The following TRIM44 variants were observed in gnomAD, a reference collection of about 807,000 sequenced individuals.
TRIM44 encodes the protein tripartite motif containing 44.
TRIM44 carries 13 observed loss-of-function variants against 37.4 expected under a neutral mutation model. That is an observed-to-expected ratio of 0.35 (90% CI 0.23 to 0.55). TRIM44 has a LOEUF of 0.55. TRIM44 is among the 20% of genes least tolerant of loss of function. The probability of loss-of-function intolerance (pLI) is 0.89; values close to 1 mark genes in which losing one functional copy is unlikely to be tolerated. For synonymous variants in TRIM44, 175 were observed against 157.2 expected, an observed-to-expected ratio of 1.11 and a Z score of -0.85; for missense variants, 426 against 437.2, an observed-to-expected ratio of 0.97 and a Z score of 0.23.
intron 4 of TRIM44, among the ~76,000 whole-genome samples, chr11:35,763,044 A>G (rs1287630273): frequency 2.6e-5 from 4 of 152,168 alleles, no homozygotes; most frequent in Non-Finnish European, 2.9e-5. Flanking sequence ...AATAACGACA[A>G]ATGTTTGTTT....
chr11:35,665,912 G>T (rs657292), intron 1 of TRIM44, among the ~76,000 whole-genome samples: 111,887 of 151,000 alleles, frequency 0.74, 42,398 homozygotes, highest in African/African-American at 0.92. Flanking sequence ...GATTTTTTTT[G>T]TTGTTCTTTC....
intron 2 of TRIM44, among the ~76,000 whole-genome samples, chr11:35,712,705 T>C (rs1851989784): frequency 6.6e-6 from 1 of 152,142 alleles, no homozygotes; most frequent in Non-Finnish European, 1.5e-5. Context: ...TGCCAAAAGC[T>C]TGAAGGGCTG....
chr11:35,799,381 G>A (rs1276530310), intron 4 of TRIM44, among the ~76,000 whole-genome samples: 1 of 152,210 alleles, frequency 6.6e-6, no homozygotes, highest in African/African-American at 2.4e-5. Context: ...AATAGGTCTG[G>A]AGAGACAGAG....
intron 3 of TRIM44, among the ~76,000 whole-genome samples, chr11:35,729,783 A>G (rs1852230499): frequency 6.6e-6 from 1 of 152,222 alleles, no homozygotes; most frequent in African/African-American, 2.4e-5. Context: ...CTGCTAAAAT[A>G]GAAGATTTAA....
chr11:35,727,226 A>G (rs1161021637), intron 3 of TRIM44, among the ~76,000 whole-genome samples: 1 of 152,156 alleles, frequency 6.6e-6, no homozygotes, highest in Non-Finnish European at 1.5e-5. Flanking sequence ...ATCAGATTTC[A>G]TAATTTGACA....
At chr11:35,707,427 T>C (rs534740980) in intron 2 of TRIM44, among the ~76,000 whole-genome samples, 2 of 152,224 alleles carry the variant, frequency 1.3e-5, no homozygotes, top group South Asian at 4.1e-4. Context: ...AAAGTTCATA[T>C]GGAACCAAAA....
chr11:35,797,972 CCATGA>C (rs1853314504), intron 4 of TRIM44, among the ~76,000 whole-genome samples: 1 of 152,110 alleles, frequency 6.6e-6, no homozygotes, highest in East Asian at 1.9e-4. Context: ...AAGGACACAC[CCATGA>C]CACAGCCTCA....
At chr11:35,785,783 C>T (rs116767867) in intron 4 of TRIM44, among the ~76,000 whole-genome samples, 38 of 152,308 alleles carry the variant, frequency 2.5e-4, no homozygotes, top group African/African-American at 9.1e-4. Flanking sequence ...ATCAATTCAT[C>T]CTACACATGT....
In TRIM44 at chr11:35,726,076, A is replaced by G; in HGVS notation, c.900A>G (p.Gln300=). Reference sequence around the variant, plus strand: ...TGACTGAGATACTGGCAGACATCCAATCCCACATGGATAGGTTGATGACTC... The same window carrying G: ...TGACTGAGATACTGGCAGACATCCAGTCCCACATGGATAGGTTGATGACTC... ...AHVTEILADI[Q]SHMDRLMTQM... is the part of the protein sequence containing the mutation. The change falls in exon 3 of 5, where the codon CAA becomes CAG. Residue 300 remains glutamine (Q), a synonymous_variant. Transcript: ENST00000299413. 5 of 1,614,150 alleles carry G rather than the reference A, an allele frequency of 3.1e-6. No individual in the cohort carries two copies. Among genetic ancestry groups the G allele is most frequent in the Admixed American group, 1.7e-5 (1 of 60,024 alleles).
chr11:35,764,926 T>TA (rs869169897), intron 4 of TRIM44, among the ~76,000 whole-genome samples: 133 of 151,592 alleles, frequency 8.8e-4, no homozygotes, highest in African/African-American at 2.9e-3. Context: ...TTAATTTTTT[T>TA]AAAAAAAAAC....
intron 4 of TRIM44, among the ~76,000 whole-genome samples, chr11:35,745,133 G>A (rs1693001191): frequency 6.6e-6 from 1 of 152,100 alleles, no homozygotes; most frequent in Non-Finnish European, 1.5e-5. Flanking sequence ...CTAGGTCTTT[G>A]AGGAATCACC....
intron 4 of TRIM44, among the ~76,000 whole-genome samples, chr11:35,791,983 G>A (rs1408658718): frequency 6.6e-6 from 1 of 151,830 alleles, no homozygotes; most frequent in African/African-American, 2.4e-5. Flanking sequence ...GCAGCAGGCT[G>A]AACACATTAT....
At chr11:35,730,866 T>C (rs1251029304) in intron 3 of TRIM44, among the ~76,000 whole-genome samples, 1 of 150,964 alleles carries the variant, frequency 6.6e-6, no homozygotes, top group African/African-American at 2.4e-5. Context: ...TTTTTTTTTT[T>C]TTTGAGACGG....
chr11:35,753,656 G>A (rs1852586531), intron 4 of TRIM44, among the ~76,000 whole-genome samples: 1 of 152,088 alleles, frequency 6.6e-6, no homozygotes, highest in African/African-American at 2.4e-5. Context: ...TTAAGTAAAC[G>A]AGTAACACTG....
rs1853581725 is a variant in TRIM44 at position 35,816,507 on chromosome 11, G to A, written c.*10122G>A. 6.6e-6 allele frequency: 1 copy of A among 152,164 alleles called. No homozygotes were observed. Among genetic ancestry groups the A allele is most frequent in the South Asian group, 2.1e-4 (1 of 4,836 alleles). The allele number at this position is 152,164 out of a possible 1,614,324, so 9.4% of individuals were successfully genotyped here. ...TAATTGATTTTATGTGTGTAATTGG[G>A]GAACAGAAGGGTCTCTAGAGGGTAG... On this transcript the variant is annotated 3_prime_UTR_variant, in exon 5 of 5. Transcript: ENST00000299413.
intron 4 of TRIM44, among the ~76,000 whole-genome samples, chr11:35,774,002 G>A (rs1006590676): frequency 1.2e-4 from 19 of 152,226 alleles, no homozygotes; most frequent in Non-Finnish European, 2.8e-4. Context: ...TGGGATGGCT[G>A]GGTCAAATGG....
intron 4 of TRIM44, among the ~76,000 whole-genome samples, chr11:35,800,162 C>T (rs541550633): frequency 6.6e-6 from 1 of 152,138 alleles, no homozygotes; most frequent in African/African-American, 2.4e-5. Flanking sequence ...TCAGATGTGT[C>T]CGGAGTTTCT....
chr11:35,805,776 G>A (rs1853438433), intron 4 of TRIM44, among the ~76,000 whole-genome samples: 1 of 151,930 alleles, frequency 6.6e-6, no homozygotes. Context: ...TATGTAATGT[G>A]ATAAGGCCTA....
intron 2 of TRIM44, among the ~76,000 whole-genome samples, chr11:35,700,054 C>G (rs867370158): frequency 1.3e-5 from 2 of 152,220 alleles, no homozygotes; most frequent in South Asian, 4.2e-4. Flanking sequence ...AATGCCATCC[C>G]CATGAAGCTA....
Sources: gnomAD v4.1 joint callset for allele counts (sites outside exome capture counted in the v4.1 genomes callset) on GRCh38, gnomAD v4.1.1 for gene constraint, MANE v1.5 for transcripts, NCBI Gene and HGNC (gene_info 2026-07-23, HGNC 2026-07-21) for gene names.